Variants in ZNF121 observed in about 807,000 individuals in gnomAD.
ZNF121 encodes the protein zinc finger protein 121 (clone ZHC32).
A neutral mutation model predicts 2.4 loss-of-function variants in ZNF121; 1 was observed. That is an observed-to-expected ratio of 0.41 (90% CI 0.15 to 1.94). ZNF121 has a LOEUF of 1.94. ZNF121 is among the 30% of genes most tolerant of loss of function. The pLI is 0.30. For synonymous variants in ZNF121, 173 were observed against 158.6 expected (o/e 1.09, Z -0.68); for missense variants, 369 against 466.3 (o/e 0.79, Z 1.92).
intron 1 of ZNF121, among the ~76,000 whole-genome samples, chr19:9,579,997 A>G (rs1194432937): frequency 6.6e-6 from 1 of 152,168 alleles, no homozygotes; most frequent in Non-Finnish European, 1.5e-5. Flanking sequence ...GTGGGTAAAG[A>G]TATTCCCTTG....
Position 9,566,926 on chromosome 19 carries a change from C to T in ZNF121, c.187G>A (p.Val63Met). The T allele has an allele frequency of 6.2e-7, 1 of 1,614,176 alleles. No individual in the cohort carries two copies. Among genetic ancestry groups the T allele is most frequent in the Non-Finnish European group, 8.5e-7 (1 of 1,180,024 alleles). Residue 63 changes from valine to methionine, a missense_variant, in exon 4 of 4, where the codon GTG (valine) becomes ATG (methionine). This residue lies in a region of ZNF121 where 168 missense variants were observed against 162.3 expected (regional missense o/e 1.03). Coordinates refer to ENST00000320451, the MANE Select transcript of ZNF121 (RefSeq NM_001008727.5). Reference protein sequence around the residue: ...NSAPAGETLSVLNQCRKAFSL... With the variant: ...NSAPAGETLSMLNQCRKAFSL... ...AAGGCTTTTCTGCACTGATTCAACACAGAAAGTGTCTCTCCAGCAGGGGCA... is the reference window on the plus strand; with the variant it reads ...AAGGCTTTTCTGCACTGATTCAACATAGAAAGTGTCTCTCCAGCAGGGGCA...
chr19:9,582,359 C>T (rs912694295), intron 1 of ZNF121, among the ~76,000 whole-genome samples: 11 of 152,138 alleles, frequency 7.2e-5, no homozygotes, highest in African/African-American at 2.4e-4. Context: ...TTTGTTCCTG[C>T]CCCAACCTAA....
Position 9,562,926 on chromosome 19 carries a change from G to T in ZNF121, c.*3014C>A, listed in dbSNP as rs1352901410. The T allele has an allele frequency of 6.7e-6, 1 of 149,232 alleles. No individual in the cohort carries two copies. The highest frequency in any genetic ancestry group is 2.5e-5 in the African/African-American group (1 of 40,444). 9.2% of individuals were successfully genotyped at this position (149,232 alleles called of 1,614,324 possible). A position where few individuals can be genotyped will look rare whatever the true frequency, so the allele number is the denominator to read the frequency against. ...AAAAAAAAAAAAATTAGCTGGCCATGGTGGTGCACACCTGCAGTCTTTAGC... is the reference window on the plus strand; with the variant it reads ...AAAAAAAAAAAAATTAGCTGGCCATTGTGGTGCACACCTGCAGTCTTTAGC... On this transcript the variant is annotated 3_prime_UTR_variant, in exon 4 of 4. Coordinates refer to ENST00000320451, the MANE Select transcript of ZNF121 (RefSeq NM_001008727.5).
intron 1 of ZNF121, among the ~76,000 whole-genome samples, chr19:9,571,492 TTC>T: frequency 6.6e-6 from 1 of 152,152 alleles, no homozygotes; most frequent in Non-Finnish European, 1.5e-5. Context: ...TCAACATAAT[TTC>T]TGTCACTTGG....
At chr19:9,573,053 A>G (rs1287680774) in intron 1 of ZNF121, among the ~76,000 whole-genome samples, 2 of 152,128 alleles carry the variant, frequency 1.3e-5, no homozygotes, top group Non-Finnish European at 2.9e-5. Context: ...AACATACCCA[A>G]TAAAAACCAC....
Position 9,566,818 on chromosome 19 carries a change from C to T in ZNF121, c.295G>A (p.Asp99Asn). ...CTATTTGCCTGAAGATGTGACTGATCAACAAAGGCTTCCTCACAGTCACTG... is the reference window on the plus strand; with the variant it reads ...CTATTTGCCTGAAGATGTGACTGATTAACAAAGGCTTCCTCACAGTCACTG... The part of the protein sequence containing the change: ...EYSDCEEAFV[D>N]QSHLQANRIT... Residue 99 changes from aspartate to asparagine, a missense_variant, in exon 4 of 4, where the codon GAT (aspartate) becomes AAT (asparagine). Asp to Asn is a conservative substitution (Grantham distance 23, BLOSUM62 1). Transcript: ENST00000320451. The T allele has an allele frequency of 1.2e-6, 2 of 1,614,188 alleles. No individual in the cohort carries two copies. The highest frequency in any genetic ancestry group is 1.7e-6 in the Non-Finnish European group (2 of 1,180,040).
At chr19:9,575,257 T>C (rs1167727689) in intron 1 of ZNF121, among the ~76,000 whole-genome samples, 1 of 151,054 alleles carries the variant, frequency 6.6e-6, no homozygotes, top group African/African-American at 2.5e-5. Flanking sequence ...CAGTCTCTAC[T>C]AAAAATTAAA....
intron 1 of ZNF121, among the ~76,000 whole-genome samples, chr19:9,575,011 C>G (rs2074200327): frequency 6.6e-6 from 1 of 152,146 alleles, no homozygotes; most frequent in South Asian, 2.1e-4. Context: ...GTCCTGAGCT[C>G]AAGCAATCCA....
At position 9,566,511 on chromosome 19, in the gene ZNF121, T is replaced by C. The variant is rs745651346; in HGVS notation, c.602A>G (p.Gln201Arg). Residue 201 changes from glutamine (Q) to arginine (R), a missense_variant, in exon 4 of 4, where the codon CAA (glutamine) becomes CGA (arginine). Physicochemically the swap from Gln to Arg is conservative, Grantham distance 43 (BLOSUM62 1). Coordinates refer to ENST00000320451, the MANE Select transcript of ZNF121 (RefSeq NM_001008727.5). ...VRIHTGEKPYQCKECGRAFAG... is the reference protein window; with the variant it reads ...VRIHTGEKPYRCKECGRAFAG... Reference sequence around the variant, plus strand: ...GAAGGCTCTTCCACATTCCTTACATTGATAAGGTTTCTCTCCAGTATGAAT... The same window carrying C: ...GAAGGCTCTTCCACATTCCTTACATCGATAAGGTTTCTCTCCAGTATGAAT... The C allele has an allele frequency of 1.8e-5, 29 of 1,613,970 alleles. No individual in the cohort carries two copies. The highest frequency in any genetic ancestry group is 1.9e-5 in the Non-Finnish European group (23 of 1,180,002).
chr19:9,576,882 C>T (rs535050045), intron 1 of ZNF121, among the ~76,000 whole-genome samples: 5 of 152,162 alleles, frequency 3.3e-5, no homozygotes, highest in East Asian at 1.9e-4. Flanking sequence ...AATTATTGGG[C>T]GCATACAACC....
Position 9,564,145 on chromosome 19 carries a change from A to T in ZNF121, c.*1795T>A, listed in dbSNP as rs1193107440. On this transcript the variant is annotated 3_prime_UTR_variant, in exon 4 of 4. Coordinates refer to ENST00000320451, the MANE Select transcript of ZNF121 (RefSeq NM_001008727.5). ...GGATAAATTAAGTTGCAGACCTTGC[A>T]GAAAGGATTCTCCATTCTAGATGCC... 2 of 152,232 alleles carry T rather than the reference A, an allele frequency of 1.3e-5. No homozygotes were observed. The highest frequency in any genetic ancestry group is 2.9e-5 in the Non-Finnish European group (2 of 68,036). 9.4% of individuals were successfully genotyped at this position (152,232 alleles called of 1,614,324 possible). A position where few individuals can be genotyped will look rare whatever the true frequency, so the allele number is the denominator to read the frequency against.
chr19:9,569,926 A>ATCTC (rs951051153), intron 1 of ZNF121, among the ~76,000 whole-genome samples: 1 of 140,280 alleles, frequency 7.1e-6, no homozygotes, highest in Non-Finnish European at 1.5e-5. Context: ...GTAGTATTAC[A>ATCTC]TCTCTCTCTC....
At chr19:9,577,549 G>A (rs972383093) in intron 1 of ZNF121, among the ~76,000 whole-genome samples, 12 of 151,314 alleles carry the variant, frequency 7.9e-5, no homozygotes, top group Admixed American at 5.9e-4. Flanking sequence ...AACTGTAGAG[G>A]ATACAGAAAA....
In ZNF121 at chr19:9,565,993, CACATTCGTT is replaced by C; in HGVS notation, c.1111_1119del (p.Asn371_Cys373del). ...AAATAAAATCTATTGTAGGCTTTCC[CACATTCGTT>C]ACATATATAGGGTTTCTCTCCAGTG... On this transcript the variant is annotated inframe_deletion, in exon 4 of 4. Coordinates refer to ENST00000320451, the MANE Select transcript of ZNF121 (RefSeq NM_001008727.5). The C allele has an allele frequency of 6.3e-7, 1 of 1,599,426 alleles. No homozygotes were observed. Among genetic ancestry groups the C allele is most frequent in the South Asian group, 1.1e-5 (1 of 88,086 alleles).
At position 9,562,302 on chromosome 19, in the gene ZNF121, CTA is replaced by C. The variant is rs1231067600; in HGVS notation, c.*3636_*3637del. The C allele has an allele frequency of 6.2e-6, 1 of 160,116 alleles. No individual in the cohort carries two copies. Among genetic ancestry groups the C allele is most frequent in the African/African-American group, 2.4e-5 (1 of 41,356 alleles). 9.9% of individuals were successfully genotyped at this position (160,116 alleles called of 1,614,324 possible). On this transcript the variant is annotated 3_prime_UTR_variant, in exon 4 of 4. Coordinates refer to ENST00000320451, the MANE Select transcript of ZNF121 (RefSeq NM_001008727.5). ...GCCTCAGCCTCCTGAATAGCTGGGA[CTA>C]TAGGTGCCTGCCACCATGCCCGGCT...
Position 9,566,592 on chromosome 19 carries a change from C to T in ZNF121, c.521G>A (p.Cys174Tyr), listed in dbSNP as rs866571498. The change falls in exon 4 of 4, where the codon TGT becomes TAT. Residue 174 changes from cysteine (C) to tyrosine (Y), a missense_variant. By Grantham distance (194) the Cys-to-Tyr change is radical (BLOSUM62 -2). This residue lies in a region of ZNF121 where 68 missense variants were observed against 105.5 expected (regional missense o/e 0.64). Coordinates refer to ENST00000320451, the MANE Select transcript of ZNF121 (RefSeq NM_001008727.5). ...AGTGAAGCATTTCCCACATTCCTTACATTCATAGGGTTTCTCCCCAGTATG... is the reference window on the plus strand; with the variant it reads ...AGTGAAGCATTTCCCACATTCCTTATATTCATAGGGTTTCTCCCCAGTATG... ...RTHTGEKPYE[C>Y]KECGKCFTVS... The T allele has an allele frequency of 1.2e-6, 2 of 1,614,218 alleles. No homozygotes were observed. The highest frequency in any genetic ancestry group is 1.7e-6 in the Non-Finnish European group (2 of 1,180,036).
intron 3 of ZNF121, 38 bp downstream of exon 3, chr19:9,568,057 T>C (rs1599735470): frequency 8.1e-7 from 1 of 1,236,736 alleles, no homozygotes; most frequent in African/African-American, 3.6e-5. Context: ...AATCCCAATC[T>C]TTTTTTGAGT....
At chr19:9,576,329 TCA>T (rs1491097230) in intron 1 of ZNF121, among the ~76,000 whole-genome samples, 2 of 133,032 alleles carry the variant, frequency 1.5e-5, no homozygotes, top group Admixed American at 1.4e-4. Flanking sequence ...CCCTGTCCCT[TCA>T]AAAAAAAAAA....
Position 9,565,799 on chromosome 19 carries a change from C to T in ZNF121, c.*141G>A, listed in dbSNP as rs2074127372. On this transcript the variant is annotated 3_prime_UTR_variant, in exon 4 of 4. Transcript: ENST00000320451. ...TAGAGTATGAGTTCTTTCATGTCTT[C>T]GAAGTGAATGGGGATAACTGAAGGC... The T allele has an allele frequency of 2.0e-5, 12 of 590,704 alleles. No individual in the cohort carries two copies. Among genetic ancestry groups the T allele is most frequent in the South Asian group, 1.2e-4 (4 of 32,476 alleles). 36.6% of individuals were successfully genotyped at this position (590,704 alleles called of 1,614,324 possible).
Sources: allele counts gnomAD v4.1 joint callset (sites outside exome capture counted in the v4.1 genomes callset), GRCh38; gene constraint gnomAD v4.1.1; regional missense constraint gnomAD v4.1.1; transcripts MANE v1.5; gene names NCBI Gene and HGNC (gene_info 2026-07-23, HGNC 2026-07-21).